The following HSF2BP variants were observed in gnomAD, a reference collection of about 807,000 sequenced individuals.
HSF2BP encodes heat shock transcription factor 2 binding protein.
Under a neutral mutation model 35.0 loss-of-function variants are expected in HSF2BP, and 35 were observed. The ratio of observed to expected loss-of-function variants is 1.00; its 90% CI spans 0.76 to 1.32. The LOEUF (loss-of-function observed/expected upper bound fraction) is 1.32. Ranked by LOEUF, HSF2BP falls within the 40% of genes most tolerant of loss-of-function variation. The pLI is 0.00. For synonymous variants in HSF2BP, 114 were observed against 117.4 expected, an observed-to-expected ratio of 0.97 and a Z score of 0.18; for missense variants, 326 against 321.7, an observed-to-expected ratio of 1.01 and a Z score of -0.10.
At chr21:43,601,631 T>C (rs1009399653) in intron 7 of HSF2BP, among the ~76,000 whole-genome samples, 1 of 152,174 alleles carries the variant, frequency 6.6e-6, no homozygotes, top group Non-Finnish European at 1.5e-5. Flanking sequence ...TCTACCAATT[T>C]ATAACTCAAC....
At chr21:43,572,886 C>T (rs1420725616) in intron 8 of HSF2BP, among the ~76,000 whole-genome samples, 1 of 152,222 alleles carries the variant, frequency 6.6e-6, no homozygotes, top group Non-Finnish European at 1.5e-5. Context: ...TTTTGGATTA[C>T]ACCCAAATCA....
At chr21:43,604,429 CACCACA>C (rs1334396795) in intron 7 of HSF2BP, among the ~76,000 whole-genome samples, 5 of 138,418 alleles carry the variant, frequency 3.6e-5, no homozygotes, top group African/African-American at 1.4e-4. Flanking sequence ...CCACACACCA[CACCACA>C]CACACACCAC....
At chr21:43,652,301 G>A (rs1410022481) in intron 3 of HSF2BP, among the ~76,000 whole-genome samples, 2 of 151,894 alleles carry the variant, frequency 1.3e-5, no homozygotes, top group African/African-American at 4.8e-5. Flanking sequence ...TACTCTGGAG[G>A]CTGAGGCAGG....
chr21:43,579,609 C>T (rs1313077161), intron 8 of HSF2BP, among the ~76,000 whole-genome samples: 3 of 152,160 alleles, frequency 2.0e-5, no homozygotes, highest in Non-Finnish European at 4.4e-5. Context: ...ACCAACAAAT[C>T]CCCAAAGCAG....
At chr21:43,573,191 T>TA (rs2081598543) in intron 8 of HSF2BP, among the ~76,000 whole-genome samples, 1 of 152,208 alleles carries the variant, frequency 6.6e-6, no homozygotes, top group Admixed American at 6.5e-5. Flanking sequence ...CCCTGTCTAC[T>TA]AGCTCTTTGA....
intron 7 of HSF2BP, among the ~76,000 whole-genome samples, chr21:43,595,895 T>C (rs2081981057): frequency 6.6e-6 from 1 of 151,694 alleles, no homozygotes. Flanking sequence ...CAGCTAATTG[T>C]TGTATTTTTA....
chr21:43,641,685 C>T (rs1168919924), intron 4 of HSF2BP, among the ~76,000 whole-genome samples: 4 of 151,998 alleles, frequency 2.6e-5, no homozygotes, highest in Non-Finnish European at 2.9e-5. Flanking sequence ...CGGTGGCTCA[C>T]GCCTGTAAAC....
chr21:43,588,468 G>A (rs1444695132), intron 8 of HSF2BP, among the ~76,000 whole-genome samples: 2 of 151,910 alleles, frequency 1.3e-5, no homozygotes, highest in East Asian at 3.9e-4. Flanking sequence ...CTGTAGCGTT[G>A]TTGGGAAACA....
chr21:43,657,001 C>T (rs1273950180), intron 2 of HSF2BP, among the ~76,000 whole-genome samples: 1 of 152,138 alleles, frequency 6.6e-6, no homozygotes, highest in Non-Finnish European at 1.5e-5. Context: ...CTTGAAATCC[C>T]AGGAATTTGG....
chr21:43,573,713 G>A (rs2081605079), intron 8 of HSF2BP, among the ~76,000 whole-genome samples: 2 of 152,118 alleles, frequency 1.3e-5, no homozygotes, highest in Non-Finnish European at 2.9e-5. Context: ...AAGGCCCTGT[G>A]AAATGAAGGG....
At chr21:43,587,050 GATTCTGAAAACAGTCTAA>G (rs2081860288) in intron 8 of HSF2BP, among the ~76,000 whole-genome samples, 1 of 152,124 alleles carries the variant, frequency 6.6e-6, no homozygotes, top group African/African-American at 2.4e-5. Flanking sequence ...TATGATTCTA[GATTCTGAAAACAGTCTAA>G]ATTCTGAAAA....
At chr21:43,571,791 G>A (rs2081580371) in intron 8 of HSF2BP, among the ~76,000 whole-genome samples, 1 of 129,404 alleles carries the variant, frequency 7.7e-6, no homozygotes, top group African/African-American at 3.0e-5. Flanking sequence ...GGGACACGGT[G>A]ATGAGGATGC....
intron 3 of HSF2BP, among the ~76,000 whole-genome samples, chr21:43,647,431 A>G (rs1052965504): frequency 6.6e-6 from 1 of 151,944 alleles, no homozygotes; most frequent in Non-Finnish European, 1.5e-5. Context: ...GGGTTTCACT[A>G]TGTTGGCCAG....
chr21:43,658,075 C>T lies in HSF2BP; in HGVS notation c.22G>A (p.Glu8Lys), dbSNP rs1219873425. The change falls in exon 2 of 9, where the codon GAG becomes AAG. Residue 8 changes from glutamate (E) to lysine (K), a missense_variant. Transcript: ENST00000291560. The stretch of plus-strand genomic sequence containing the variant: ...TCCTCACTAACCCGGCAGGCCTCCT[C>T]AGCGGCGCCCGCTTCGCCCATGGCC... Reference protein sequence around the residue: MGEAGAAEEACRHMGTKE... With the variant: MGEAGAAKEACRHMGTKE... 9 of 1,535,502 alleles carry T rather than the reference C, an allele frequency of 5.9e-6. No homozygotes were observed. The highest frequency in any genetic ancestry group is 7.9e-6 in the Non-Finnish European group (9 of 1,146,080).
intron 8 of HSF2BP, among the ~76,000 whole-genome samples, chr21:43,578,163 C>T (rs1461964600): frequency 1.3e-5 from 2 of 152,196 alleles, no homozygotes; most frequent in Non-Finnish European, 2.9e-5. Context: ...CACTGACCAC[C>T]TTATGCCTTG....
intron 8 of HSF2BP, among the ~76,000 whole-genome samples, chr21:43,586,919 C>T (rs1386675411): frequency 1.3e-5 from 2 of 151,786 alleles, no homozygotes; most frequent in Non-Finnish European, 2.9e-5. Context: ...TCCTTTTCCT[C>T]GATCTTTTAA....
chr21:43,585,776 T>G (rs1165518130), intron 8 of HSF2BP, among the ~76,000 whole-genome samples: 1 of 151,790 alleles, frequency 6.6e-6, no homozygotes. Context: ...AGTCAAGGAG[T>G]CAAGAATCAC....
At chr21:43,596,904 A>AAGAG (rs10628182) in intron 7 of HSF2BP, among the ~76,000 whole-genome samples, 51,092 of 135,720 alleles carry the variant, frequency 0.38, 10,650 homozygotes, top group East Asian at 0.46. Context: ...AAAAAAAAAA[A>AAGAG]AGAGAATTTT....
chr21:43,614,184 C>A (rs1053545992), intron 6 of HSF2BP, among the ~76,000 whole-genome samples: 3 of 151,894 alleles, frequency 2.0e-5, no homozygotes, highest in African/African-American at 7.3e-5. Flanking sequence ...GGCAACACAG[C>A]AAGACCCTAT....
Sources: gnomAD v4.1 joint callset for allele counts (sites outside exome capture counted in the v4.1 genomes callset) on GRCh38, gnomAD v4.1.1 for gene constraint, MANE v1.5 for transcripts, NCBI Gene and HGNC (gene_info 2026-07-23, HGNC 2026-07-21) for gene names.